Variants in SDK2 observed in about 807,000 individuals in gnomAD.
SDK2 encodes the protein protein sidekick-2.
A neutral mutation model predicts 253.9 loss-of-function variants in SDK2; 105 were observed. That is an observed-to-expected ratio of 0.41 (90% CI 0.35 to 0.49). SDK2 has a LOEUF of 0.49. Ranked by LOEUF, SDK2 falls within the 20% of genes least tolerant of loss-of-function variation. SDK2 has a pLI of 0.06. For missense variants in SDK2, 2,608 were observed against 3,003.0 expected (o/e 0.87, Z 3.07); for synonymous variants, 1,249 against 1,234.9 (o/e 1.01, Z -0.24).
At chr17:73,560,136 A>T (rs1417292338) in intron 1 of SDK2, among the ~76,000 whole-genome samples, 1 of 152,212 alleles carries the variant, frequency 6.6e-6, no homozygotes, top group Non-Finnish European at 1.5e-5. Flanking sequence ...AAACTGCCTA[A>T]GCTCTTACAG....
chr17:73,545,111 A>ACACACACG (rs1038831539), intron 1 of SDK2, among the ~76,000 whole-genome samples: 5 of 151,634 alleles, frequency 3.3e-5, no homozygotes, highest in African/African-American at 1.2e-4. Flanking sequence ...ACACACACAC[A>ACACACACG]CACACACACA....
chr17:73,583,856 C>T (rs927866627), intron 1 of SDK2, among the ~76,000 whole-genome samples: 1 of 152,200 alleles, frequency 6.6e-6, no homozygotes, highest in Non-Finnish European at 1.5e-5. Flanking sequence ...ACAGAGTGAG[C>T]TTGGGCAGAG....
chr17:73,567,849 T>C (rs2045331943), intron 1 of SDK2, among the ~76,000 whole-genome samples: 1 of 152,284 alleles, frequency 6.6e-6, no homozygotes, highest in African/African-American at 2.4e-5. Context: ...CCATTGTATC[T>C]TGAAAGTAAA....
In SDK2 at chr17:73,393,666, G is replaced by C. The variant is rs373540507; in HGVS notation, c.3792C>G (p.Thr1264=). ...CATAGAGCACGTATTTGCCCAAGCC[G>C]GTGAGCTGGGCACTGCGAGACGAGT... ...EGNSSRSAQL[T]GLGKYVLYEV... is the part of the protein sequence containing the mutation. Residue 1264 remains threonine (T), a synonymous_variant, in exon 27 of 45, where the codon ACC becomes ACG. Coordinates refer to ENST00000392650, the MANE Select transcript of SDK2 (RefSeq NM_001144952.2). The C allele has an allele frequency of 6.9e-6, 11 of 1,600,268 alleles. No homozygotes were observed. In the Admixed American group the frequency reaches 8.4e-5, roughly 12 times the overall value.
At chr17:73,376,098 G>A (rs545460366) in intron 36 of SDK2, among the ~76,000 whole-genome samples, 17 of 151,732 alleles carry the variant, frequency 1.1e-4, no homozygotes, top group African/African-American at 3.9e-4. Flanking sequence ...GGAGGCGGAG[G>A]AAGGAGAATC....
chr17:73,590,714 C>A (rs545407495), intron 1 of SDK2, among the ~76,000 whole-genome samples: 2 of 152,132 alleles, frequency 1.3e-5, no homozygotes, highest in South Asian at 4.1e-4. Flanking sequence ...ATGGGCTGTG[C>A]ATGGAATTGA....
intron 8 of SDK2, among the ~76,000 whole-genome samples, chr17:73,436,744 G>A (rs1236092212): frequency 6.6e-6 from 1 of 151,620 alleles, no homozygotes; most frequent in Non-Finnish European, 1.5e-5. Flanking sequence ...TCCACCATGC[G>A]CTCTCTTTCC....
Position 73,644,102 on chromosome 17 carries a change from G to A in SDK2, c.-14C>T. On this transcript the variant is annotated 5_prime_UTR_variant, in exon 1 of 45. Transcript: ENST00000392650. The surrounding 1 kb of genome is among the most constrained non-coding windows in gnomAD (Gnocchi z 6.3). ...AAGCCCCCACATGGTGACCAGCCTG[G>A]AGAGGGGTCCTCGGGGTCTCCCTTC... The A allele has an allele frequency of 6.5e-7, 1 of 1,550,156 alleles. No homozygotes were observed. The highest frequency in any genetic ancestry group is 8.7e-7 in the Non-Finnish European group (1 of 1,145,872).
intron 1 of SDK2, among the ~76,000 whole-genome samples, chr17:73,580,901 T>C (rs897780270): frequency 6.6e-6 from 1 of 152,230 alleles, no homozygotes; most frequent in East Asian, 1.9e-4. Context: ...TTGGAGCATT[T>C]TGAATTTTTG....
At chr17:73,357,998 G>A (rs755594009) in intron 40 of SDK2, 81 bp downstream of exon 40, 12 of 1,595,184 alleles carry the variant, frequency 7.5e-6, no homozygotes, top group Non-Finnish European at 1.0e-5. Flanking sequence ...GGAGGACAGA[G>A]GCAAGTGCCC....
intron 1 of SDK2, among the ~76,000 whole-genome samples, chr17:73,589,782 C>T (rs777142025): frequency 1.3e-5 from 2 of 152,236 alleles, no homozygotes; most frequent in Admixed American, 6.5e-5. Context: ...GGAGGCAAGC[C>T]GCACATTTGG....
chr17:73,476,945 G>A (rs1307024602), intron 2 of SDK2, among the ~76,000 whole-genome samples: 6 of 152,080 alleles, frequency 3.9e-5, no homozygotes, highest in African/African-American at 9.7e-5. Context: ...CTCCGCCTCC[G>A]TTTCTTTGGG....
In SDK2 at chr17:73,639,627, G is replaced by A. The variant is rs752347467; in HGVS notation, c.64+4398C>T. ...TCTGTGGCAACATGCTCCAGGGGGA[G>A]CGGGGTAGAAACCCCGCAGGGCGCA... On this transcript the variant is annotated intron_variant, in intron 1 of 44. Coordinates refer to ENST00000392650, the MANE Select transcript of SDK2 (RefSeq NM_001144952.2). The surrounding 1 kb of genome is among the most constrained non-coding windows in gnomAD (Gnocchi z 4.3). 5.9e-5 allele frequency among the ~76,000 whole-genome samples: 9 copies of A among 152,110 alleles called. No individual in the cohort carries two copies. Among genetic ancestry groups the A allele is most frequent in the African/African-American group, 1.4e-4 (6 of 41,430 alleles).
chr17:73,343,305 T>C (rs1433806455), intron 44 of SDK2, among the ~76,000 whole-genome samples: 1 of 152,246 alleles, frequency 6.6e-6, no homozygotes, highest in Non-Finnish European at 1.5e-5. Flanking sequence ...GAGAGTCTGG[T>C]CTGCCTCTTC....
At position 73,534,846 on chromosome 17, in the gene SDK2, T is replaced by C. The variant is rs1214720288; in HGVS notation, c.65-27249A>G. 6.6e-6 allele frequency among the ~76,000 whole-genome samples: 1 copy of C among 152,146 alleles called. No homozygotes were observed. Among genetic ancestry groups the C allele is most frequent in the Admixed American group, 6.5e-5 (1 of 15,282 alleles). On this transcript the variant is annotated intron_variant, in intron 1 of 44. Transcript: ENST00000392650. The surrounding 1 kb of genome is among the most constrained non-coding windows in gnomAD (Gnocchi z 4.9). The stretch of plus-strand genomic sequence containing the variant: ...GGGCAGCGGGCCGGGCTCCCTGGAC[T>C]CCTTTGCATCTTCTAGGCCTCCTTG...
At chr17:73,572,332 A>C (rs1273097321) in intron 1 of SDK2, among the ~76,000 whole-genome samples, 1 of 151,868 alleles carries the variant, frequency 6.6e-6, no homozygotes, top group Non-Finnish European at 1.5e-5. Context: ...TCCCTGTAGA[A>C]TTCTGGGGTC....
intron 1 of SDK2, among the ~76,000 whole-genome samples, chr17:73,602,925 A>G (rs2045860005): frequency 6.6e-6 from 1 of 152,142 alleles, no homozygotes; most frequent in Non-Finnish European, 1.5e-5. Flanking sequence ...GGGTTTTACC[A>G]TATTGATCAG....
In SDK2 at chr17:73,545,424, C is replaced by T. The variant is rs77872808; in HGVS notation, c.65-37827G>A. On this transcript the variant is annotated intron_variant, in intron 1 of 44. Coordinates refer to ENST00000392650, the MANE Select transcript of SDK2 (RefSeq NM_001144952.2). ...CTAAATAAATGAATGCACACACACA[C>T]GAGCTACTTGAGAGACACCGGTGGT... 2.9e-3 allele frequency among the ~76,000 whole-genome samples: 441 copies of T among 152,254 alleles called. 4 individuals are homozygous for T. Among genetic ancestry groups the T allele is most frequent in the African/African-American group, 9.9e-3 (411 of 41,550 alleles).
chr17:73,394,330 G>A lies in SDK2; in HGVS notation c.3593-6C>T, dbSNP rs1383216030. The A allele has an allele frequency of 2.6e-6, 4 of 1,561,684 alleles. No homozygotes were observed. Among genetic ancestry groups the A allele is most frequent in the African/African-American group, 1.4e-5 (1 of 73,950 alleles). On this transcript the variant is annotated splice_region_variant and splice_polypyrimidine_tract_variant and intron_variant, in intron 25 of 44. Transcript: ENST00000392650. ...GGTGGGGCCGGAAGAGGGAACTGTG[G>A]GGGAAAGGGAGTGGAGAGAAGGCAC...
Sources: gnomAD v4.1 joint callset for allele counts (sites outside exome capture counted in the v4.1 genomes callset) on GRCh38, gnomAD v4.1.1 for gene constraint, Gnocchi (gnomAD v3.1) non-coding constraint, MANE v1.5 for transcripts, NCBI Gene and HGNC (gene_info 2026-07-23, HGNC 2026-07-21) for gene names.